The following CD38 variants were observed in gnomAD, a reference collection of about 807,000 sequenced individuals.
CD38 encodes the protein CD38 molecule.
A neutral mutation model predicts 36.3 loss-of-function variants in CD38; 31 were observed. That is an observed-to-expected ratio of 0.85 (90% confidence interval 0.64 to 1.15). The LOEUF is 1.15. CD38 is among the 50% of genes most tolerant of loss of function. The probability of loss-of-function intolerance (pLI) is 0.00; values close to 1 mark genes in which losing one functional copy is unlikely to be tolerated. For missense variants in CD38, 380 were observed against 371.9 expected, an observed-to-expected ratio of 1.02 and a Z score of -0.18; for synonymous variants, 131 against 135.2, an observed-to-expected ratio of 0.97 and a Z score of 0.22.
At chr4:15,822,956 A>G (rs962664075) in intron 2 of CD38, among the ~76,000 whole-genome samples, 2 of 152,166 alleles carry the variant, frequency 1.3e-5, no homozygotes, top group African/African-American at 4.8e-5. Flanking sequence ...AGATGCCAAA[A>G]TAGCATGGTA....
intron 1 of CD38, among the ~76,000 whole-genome samples, chr4:15,792,628 T>C (rs1723029513): frequency 6.6e-6 from 1 of 152,144 alleles, no homozygotes; most frequent in Non-Finnish European, 1.5e-5. Flanking sequence ...TTATTTCATC[T>C]ATTTACCCAT....
intron 1 of CD38, among the ~76,000 whole-genome samples, chr4:15,785,830 G>A (rs1269270447): frequency 1.3e-5 from 2 of 152,130 alleles, no homozygotes; most frequent in African/African-American, 4.8e-5. Flanking sequence ...GTGGACCCTC[G>A]TGGTGAGTGT....
intron 3 of CD38, chr4:15,825,594 T>C (rs1420138158): frequency 6.6e-6 from 1 of 152,288 alleles, no homozygotes; most frequent in Admixed American, 6.5e-5. Context: ...CAGGCTGATA[T>C]AAAGTAGCAT....
chr4:15,798,087 G>C lies in CD38; in HGVS notation c.234-18424G>C, dbSNP rs182237085. 3.5e-3 allele frequency among the ~76,000 whole-genome samples: 535 copies of C among 152,276 alleles called. 3 individuals are homozygous for C. Among genetic ancestry groups the C allele is most frequent in the Middle Eastern group, 6.8e-3 (2 of 294 alleles). Reference sequence around the variant, plus strand: ...TTAAACAAATGTTTTATAGAGATGAGTTCTGACTGTGTTGCCCAGGCTGGT... The same window carrying C: ...TTAAACAAATGTTTTATAGAGATGACTTCTGACTGTGTTGCCCAGGCTGGT... On this transcript the variant is annotated intron_variant, in intron 1 of 7. Coordinates refer to ENST00000226279, the MANE Select transcript of CD38 (RefSeq NM_001775.4).
chr4:15,831,811 G>C (rs1270723199), intron 3 of CD38, among the ~76,000 whole-genome samples: 1 of 151,922 alleles, frequency 6.6e-6, no homozygotes, highest in Non-Finnish European at 1.5e-5. Context: ...TCTTGTACTT[G>C]GGATATTGAT....
intron 3 of CD38, among the ~76,000 whole-genome samples, chr4:15,832,632 A>G (rs1254093162): frequency 6.6e-6 from 1 of 152,096 alleles, no homozygotes; most frequent in Non-Finnish European, 1.5e-5. Flanking sequence ...TGACCCACAT[A>G]AAGCTGGTGA....
At chr4:15,799,914 C>T (rs1723180928) in intron 1 of CD38, among the ~76,000 whole-genome samples, 1 of 152,150 alleles carries the variant, frequency 6.6e-6, no homozygotes, top group Non-Finnish European at 1.5e-5. Context: ...GGGTAACTGC[C>T]ACACTTCACC....
intron 1 of CD38, among the ~76,000 whole-genome samples, chr4:15,780,536 A>ACACACACACACG (rs1722672618): frequency 5.4e-5 from 8 of 148,688 alleles, no homozygotes; most frequent in African/African-American, 1.8e-4. Flanking sequence ...ACACACACAC[A>ACACACACACACG]CACACACACA....
At chr4:15,783,047 T>G (rs1722732233) in intron 1 of CD38, among the ~76,000 whole-genome samples, 1 of 152,204 alleles carries the variant, frequency 6.6e-6, no homozygotes, top group South Asian at 2.1e-4. Context: ...GGAATATTCC[T>G]GAACAGATCA....
intron 1 of CD38, among the ~76,000 whole-genome samples, chr4:15,787,820 A>G (rs1027683672): frequency 1.3e-5 from 2 of 152,204 alleles, no homozygotes; most frequent in Non-Finnish European, 2.9e-5. Flanking sequence ...ACTTTTATTC[A>G]GTACAGACAT....
intron 1 of CD38, among the ~76,000 whole-genome samples, chr4:15,795,271 T>G (rs1044356879): frequency 6.6e-6 from 1 of 151,926 alleles, no homozygotes; most frequent in African/African-American, 2.4e-5. Context: ...GGAGGAATGG[T>G]TATATTCACA....
chr4:15,848,425 C>A, intron 7 of CD38, 114 bp from the exon 8 acceptor site: 1 of 667,650 alleles, frequency 1.5e-6, no homozygotes. Flanking sequence ...TATATGGATG[C>A]TAAGTGGTCT....
At chr4:15,812,210 G>C (rs1008922373) in intron 1 of CD38, among the ~76,000 whole-genome samples, 2 of 152,188 alleles carry the variant, frequency 1.3e-5, no homozygotes, top group Admixed American at 6.5e-5. Context: ...ATTGTAGTAA[G>C]TTTTGAAATC....
At chr4:15,840,211 T>G in intron 6 of CD38, 93 bp downstream of exon 6, 1 of 927,282 alleles carries the variant, frequency 1.1e-6, no homozygotes, top group Non-Finnish European at 1.8e-6. Flanking sequence ...ACAAATTGAC[T>G]CAGGAAATGA....
At chr4:15,837,338 CCA>C (rs757621937) in intron 4 of CD38, among the ~76,000 whole-genome samples, 1 of 151,850 alleles carries the variant, frequency 6.6e-6, no homozygotes, top group East Asian at 1.9e-4. Context: ...ATAACAGAGG[CCA>C]TGTTTTTTTT....
Position 15,848,714 on chromosome 4 carries a change from T to A in CD38, c.*112T>A. 1 of 757,394 alleles carries A rather than the reference T, an allele frequency of 1.3e-6. No individual in the cohort carries two copies. The highest frequency in any genetic ancestry group is 1.8e-5 in the South Asian group (1 of 56,404). The allele number at this position is 757,394 out of a possible 1,614,324, so 46.9% of individuals were successfully genotyped here. A position where few individuals can be genotyped will look rare whatever the true frequency, so the allele number is the denominator to read the frequency against. ...GAAGATTTTGGAGGGTCCTCCACAA[T>A]AAGGTCAATGCCAGAGACGGAAGCC... On this transcript the variant is annotated 3_prime_UTR_variant, in exon 8 of 8. Coordinates refer to ENST00000226279, the MANE Select transcript of CD38 (RefSeq NM_001775.4).
At chr4:15,834,758 G>A (rs1029127540) in intron 4 of CD38, among the ~76,000 whole-genome samples, 7 of 152,110 alleles carry the variant, frequency 4.6e-5, no homozygotes, top group African/African-American at 1.4e-4. Context: ...AACACATAAC[G>A]TGAAGGTACA....
intron 1 of CD38, among the ~76,000 whole-genome samples, chr4:15,795,403 G>A (rs1425915768): frequency 6.6e-6 from 1 of 152,036 alleles, no homozygotes; most frequent in Admixed American, 6.5e-5. Flanking sequence ...CCAAAAAGGT[G>A]AAAACTGAGG....
chr4:15,779,592 C>G (rs567193587), intron 1 of CD38, among the ~76,000 whole-genome samples: 1 of 152,094 alleles, frequency 6.6e-6, no homozygotes, highest in African/African-American at 2.4e-5. Flanking sequence ...GCAAATAGAC[C>G]TCCCTCGCCT....
Sources: gnomAD v4.1 joint callset for allele counts (sites outside exome capture counted in the v4.1 genomes callset) on GRCh38, gnomAD v4.1.1 for gene constraint, MANE v1.5 for transcripts, NCBI Gene and HGNC (gene_info 2026-07-23, HGNC 2026-07-21) for gene names.